The following EYS variants were observed in gnomAD, a reference collection of about 807,000 sequenced individuals.
EYS encodes the protein EGF-like photoreceptor maintenance factor, also known as protein eyes shut homolog.
In EYS, 250 loss-of-function variants were observed where a neutral mutation model predicts 282.1. The observed-to-expected ratio is 0.89, with a 90% CI of 0.80 to 0.98. The LOEUF is 0.98. EYS is among the 50% of genes least tolerant of loss of function. EYS has a pLI of 0.00. For missense variants in EYS, 4,016 were observed against 3,709.0 expected, an observed-to-expected ratio of 1.08 and a Z score of -2.15; for synonymous variants, 1,355 against 1,282.9, an observed-to-expected ratio of 1.06 and a Z score of -1.20.
intron 24 of EYS, among the ~76,000 whole-genome samples, chr6:64,597,785 T>C (rs1465381418): frequency 6.6e-6 from 1 of 152,102 alleles, no homozygotes; most frequent in Non-Finnish European, 1.5e-5. Flanking sequence ...GTGATGGATA[T>C]ACTAAAATCC....
At chr6:64,094,705 C>T (rs994056825) in intron 31 of EYS, among the ~76,000 whole-genome samples, 4 of 152,034 alleles carry the variant, frequency 2.6e-5, no homozygotes, top group African/African-American at 9.7e-5. Context: ...TTCAAAAAAC[C>T]AGCTCCTGGA....
chr6:65,091,889 G>A (rs1774580018), intron 12 of EYS, among the ~76,000 whole-genome samples: 1 of 152,092 alleles, frequency 6.6e-6, no homozygotes, highest in South Asian at 2.1e-4. Flanking sequence ...GACTCTGTAG[G>A]AGAGAGAAAG....
intron 2 of EYS, among the ~76,000 whole-genome samples, chr6:65,594,273 C>T (rs78720265): frequency 1.7e-3 from 265 of 152,078 alleles, no homozygotes; most frequent in Middle Eastern, 6.8e-3. Flanking sequence ...ACACTTATTG[C>T]TGTAAGCAAC....
intron 12 of EYS, among the ~76,000 whole-genome samples, chr6:65,220,304 A>G (rs890104462): frequency 6.6e-6 from 1 of 152,176 alleles, no homozygotes; most frequent in Admixed American, 6.5e-5. Context: ...CCTACCATGC[A>G]CTAGACACTC....
chr6:64,521,876 T>C (rs1407210973), intron 26 of EYS, among the ~76,000 whole-genome samples: 1 of 151,840 alleles, frequency 6.6e-6, no homozygotes, highest in African/African-American at 2.4e-5. Context: ...TTTCAGTCTC[T>C]CAGGCTCTGA....
intron 15 of EYS, among the ~76,000 whole-genome samples, chr6:64,944,277 A>T (rs1303408481): frequency 6.6e-6 from 1 of 152,030 alleles, no homozygotes; most frequent in East Asian, 1.9e-4. Flanking sequence ...CTAAAAGAAA[A>T]CCTAGAAAAC....
At chr6:64,396,155 A>C (rs915615445) in intron 28 of EYS, among the ~76,000 whole-genome samples, 6 of 152,040 alleles carry the variant, frequency 3.9e-5, no homozygotes, top group African/African-American at 1.4e-4. Flanking sequence ...TATATTTTTG[A>C]ATTGAATAGT....
chr6:64,466,491 G>T (rs968146416), intron 26 of EYS, among the ~76,000 whole-genome samples: 1 of 152,088 alleles, frequency 6.6e-6, no homozygotes, highest in Non-Finnish European at 1.5e-5. Context: ...AAGTGAATAA[G>T]CCAGGCACAG....
chr6:64,930,126 C>T (rs902617423), intron 15 of EYS, among the ~76,000 whole-genome samples: 4 of 151,994 alleles, frequency 2.6e-5, no homozygotes, highest in African/African-American at 9.7e-5. Flanking sequence ...ACACTTTGAT[C>T]CAGCAATTAC....
intron 14 of EYS, among the ~76,000 whole-genome samples, chr6:64,958,359 G>A (rs1438035918): frequency 6.6e-6 from 1 of 151,924 alleles, no homozygotes; most frequent in Non-Finnish European, 1.5e-5. Flanking sequence ...TCCAGCCTGG[G>A]TGACAGAGTG....
intron 12 of EYS, among the ~76,000 whole-genome samples, chr6:65,136,473 G>GA (rs946138883): frequency 6.6e-6 from 1 of 151,918 alleles, no homozygotes; most frequent in Non-Finnish European, 1.5e-5. Context: ...GGTCTACCCT[G>GA]AAAACACTTC....
At chr6:65,449,816 A>G (rs1278300184) in intron 5 of EYS, among the ~76,000 whole-genome samples, 1 of 151,856 alleles carries the variant, frequency 6.6e-6, no homozygotes, top group African/African-American at 2.4e-5. Flanking sequence ...TCTGTTTTAA[A>G]GTAATTTCTT....
chr6:65,140,023 A>G (rs1208470110), intron 12 of EYS, among the ~76,000 whole-genome samples: 3 of 152,004 alleles, frequency 2.0e-5, no homozygotes, highest in Admixed American at 1.3e-4. Context: ...CCAAGTAAAT[A>G]TCACCACGAA....
intron 31 of EYS, among the ~76,000 whole-genome samples, chr6:64,135,270 G>A (rs748924996): frequency 6.6e-6 from 1 of 151,876 alleles, no homozygotes; most frequent in Non-Finnish European, 1.5e-5. Flanking sequence ...TTCTCAGTAT[G>A]GGAGATCCTC....
intron 12 of EYS, among the ~76,000 whole-genome samples, chr6:65,238,201 A>T (rs1766973471): frequency 1.3e-5 from 2 of 151,012 alleles, no homozygotes; most frequent in Non-Finnish European, 3.0e-5. Flanking sequence ...TTTACTCTCA[A>T]ATACTATTAT....
intron 22 of EYS, among the ~76,000 whole-genome samples, chr6:64,659,046 G>C (rs9345355): frequency 0.64 from 97,164 of 151,872 alleles, 31,340 homozygotes; most frequent in African/African-American, 0.71. Flanking sequence ...TTTCAGACCA[G>C]AGTGCAACCA....
At chr6:64,720,933 A>T (rs1771557946) in intron 22 of EYS, among the ~76,000 whole-genome samples, 1 of 152,248 alleles carries the variant, frequency 6.6e-6, no homozygotes, top group Admixed American at 6.5e-5. Context: ...CATCATAAGC[A>T]TGCCATATTA....
intron 24 of EYS, among the ~76,000 whole-genome samples, chr6:64,612,465 A>G (rs958299020): frequency 6.6e-6 from 1 of 152,102 alleles, no homozygotes; most frequent in African/African-American, 2.4e-5. Flanking sequence ...ACATTCAAAA[A>G]TTGTATTCTG....
At chr6:64,971,327 AT>A (rs1770286777) in intron 14 of EYS, among the ~76,000 whole-genome samples, 1 of 151,616 alleles carries the variant, frequency 6.6e-6, no homozygotes, top group African/African-American at 2.4e-5. Context: ...AAGGACATTC[AT>A]TAGCATGGAT....
Sources: allele counts gnomAD v4.1 joint callset (sites outside exome capture counted in the v4.1 genomes callset), GRCh38; gene constraint gnomAD v4.1.1; transcripts MANE v1.5; gene names NCBI Gene and HGNC (gene_info 2026-07-23, HGNC 2026-07-21).